Variants in FAM120B observed in about 807,000 individuals in gnomAD.
The protein encoded by FAM120B is family with sequence similarity 120 member B.
In FAM120B, 83 loss-of-function variants were observed where a neutral mutation model predicts 96.3. That is an observed-to-expected ratio of 0.86 (90% CI 0.72 to 1.03). FAM120B has a LOEUF of 1.03. Among genes scored for constraint, FAM120B ranks in the 50% least tolerant of loss-of-function variants. The pLI is 0.00. For synonymous variants in FAM120B, 407 were observed against 402.7 expected, an observed-to-expected ratio of 1.01 and a Z score of -0.13; for missense variants, 1,027 against 1,121.2, an observed-to-expected ratio of 0.92 and a Z score of 1.20.
intron 1 of FAM120B, among the ~76,000 whole-genome samples, chr6:170,312,690 A>G (rs530553508): frequency 6.6e-6 from 1 of 151,746 alleles, no homozygotes; most frequent in Non-Finnish European, 1.5e-5. Context: ...CATAATAGCT[A>G]TAGGCTTTCT....
intron 1 of FAM120B, among the ~76,000 whole-genome samples, chr6:170,315,868 G>A (rs2115013690): frequency 6.6e-6 from 1 of 151,072 alleles, no homozygotes; most frequent in Admixed American, 6.6e-5. Context: ...GATCGCTTGA[G>A]TTCGAGAGTT....
At chr6:170,298,602 C>G (rs1784074937) in intron 1 of FAM120B, among the ~76,000 whole-genome samples, 2 of 151,506 alleles carry the variant, frequency 1.3e-5, no homozygotes, top group Non-Finnish European at 2.9e-5. Flanking sequence ...AACTCATGAT[C>G]ATACAATGCC....
chr6:170,318,285 A>G lies in FAM120B; in HGVS notation c.895A>G (p.Lys299Glu). 1 of 1,614,144 alleles carries G rather than the reference A, an allele frequency of 6.2e-7. No homozygotes were observed. The highest frequency in any genetic ancestry group is 8.5e-7 in the Non-Finnish European group (1 of 1,180,020). Residue 299 changes from lysine (K) to glutamate (E), a missense_variant, in exon 2 of 11, where the codon AAA becomes GAA. Physicochemically the swap from Lys to Glu is moderately conservative, Grantham distance 56. This residue lies in a region of FAM120B where 880 missense variants were observed against 980.9 expected (regional missense o/e 0.90). Coordinates refer to ENST00000476287, the MANE Select transcript of FAM120B (RefSeq NM_032448.3). ...PLGPNKALFY[K>E]GMASYLLPGQ... ...GGGACCAAACAAAGCTCTTTTTTATAAAGGAATGGCATCATATCTTTTACC... is the reference window on the plus strand; with the variant it reads ...GGGACCAAACAAAGCTCTTTTTTATGAAGGAATGGCATCATATCTTTTACC...
intron 1 of FAM120B, among the ~76,000 whole-genome samples, chr6:170,296,643 G>A (rs865865119): frequency 6.6e-6 from 1 of 151,898 alleles, no homozygotes; most frequent in African/African-American, 2.4e-5. Context: ...GTCGGCGGGC[G>A]GGGCCGGGGC....
intron 6 of FAM120B, among the ~76,000 whole-genome samples, chr6:170,366,489 T>C (rs1307709244): frequency 6.6e-6 from 1 of 152,150 alleles, no homozygotes; most frequent in African/African-American, 2.4e-5. Context: ...TGCCAGGGCA[T>C]GAGGGAGAGT....
At chr6:170,311,905 G>C (rs528755560) in intron 1 of FAM120B, among the ~76,000 whole-genome samples, 81 of 152,340 alleles carry the variant, frequency 5.3e-4, no homozygotes, top group Admixed American at 1.6e-3. Context: ...TGACTCAGCA[G>C]CTTCCTAACA....
intron 2 of FAM120B, among the ~76,000 whole-genome samples, chr6:170,322,694 A>T (rs1785371997): frequency 6.6e-6 from 1 of 152,180 alleles, no homozygotes; most frequent in South Asian, 2.1e-4. Flanking sequence ...CAAAGTTTTC[A>T]AAGACAGTAT....
chr6:170,376,150 A>G (rs1331379285), intron 6 of FAM120B, among the ~76,000 whole-genome samples: 1 of 152,112 alleles, frequency 6.6e-6, no homozygotes, highest in Non-Finnish European at 1.5e-5. Context: ...AGATACAAGG[A>G]GGAGGCCCTA....
chr6:170,318,582 A>G lies in FAM120B; in HGVS notation c.1192A>G (p.Arg398Gly), dbSNP rs1441081656. Residue 398 changes from arginine (R) to glycine (G), a missense_variant, in exon 2 of 11, where the codon AGG (arginine) becomes GGG (glycine). By Grantham distance (125) the Arg-to-Gly change is moderately radical. Transcript: ENST00000476287. ...EVPTCTGPES[R>G]REVPMCSDPE... ...TCCCACGTGTACAGGCCCTGAATCC[A>G]GGCGAGAAGTTCCCATGTGTTCAGA... The G allele has an allele frequency of 1.4e-6, 2 of 1,479,280 alleles. No individual in the cohort carries two copies. The highest frequency in any genetic ancestry group is 1.8e-6 in the Non-Finnish European group (2 of 1,099,520). 91.6% of individuals were successfully genotyped at this position (1,479,280 alleles called of 1,614,324 possible).
At position 170,318,171 on chromosome 6, in the gene FAM120B, G is replaced by C. The variant is rs1411083004; in HGVS notation, c.781G>C (p.Gly261Arg). Residue 261 changes from glycine to arginine, a missense_variant, in exon 2 of 11, where the codon GGT becomes CGT. This residue lies in a region of FAM120B where 880 missense variants were observed against 980.9 expected (regional missense o/e 0.90). Coordinates refer to ENST00000476287, the MANE Select transcript of FAM120B (RefSeq NM_032448.3). ...TGTAAAAGAGAACTTTGACAAAAAA[G>C]GTAACATCATATTAGCTGTGTCAGA... ...TSVKENFDKK[G>R]NIILAVSDHI... 4 of 1,614,022 alleles carry C rather than the reference G, an allele frequency of 2.5e-6. No homozygotes were observed. The highest frequency in any genetic ancestry group is 3.4e-6 in the Non-Finnish European group (4 of 1,180,032).
At position 170,406,557 on chromosome 6, in the gene FAM120B, T is replaced by C. The variant is rs933406523; in HGVS notation, c.*1806T>C. 2 of 152,220 alleles carry C rather than the reference T, an allele frequency of 1.3e-5. No individual in the cohort carries two copies. The highest frequency in any genetic ancestry group is 4.8e-5 in the African/African-American group (2 of 41,446). The allele number at this position is 152,220 out of a possible 1,614,324, so 9.4% of individuals were successfully genotyped here. A position where few individuals can be genotyped will look rare whatever the true frequency, so the allele number is the denominator to read the frequency against. On this transcript the variant is annotated 3_prime_UTR_variant, in exon 11 of 11. Coordinates refer to ENST00000476287, the MANE Select transcript of FAM120B (RefSeq NM_032448.3). Reference sequence around the variant, plus strand: ...ATTTGTATTTCTTACATTTGAAATATCCTAACCGCTCCCTTCGGTTTCTTC... The same window carrying C: ...ATTTGTATTTCTTACATTTGAAATACCCTAACCGCTCCCTTCGGTTTCTTC...
chr6:170,290,995 C>A (rs985911699), upstream of FAM120B: 2 of 701,786 alleles, frequency 2.8e-6, no homozygotes, highest in Non-Finnish European at 5.2e-6. The surrounding 1 kb of genome is among the most constrained non-coding windows in gnomAD (Gnocchi z 4.7). Context: ...AGATGCAAAT[C>A]AGCAGCCCCC....
chr6:170,353,312 A>T (rs1305910707), intron 5 of FAM120B, among the ~76,000 whole-genome samples: 1 of 152,244 alleles, frequency 6.6e-6, no homozygotes, highest in Non-Finnish European at 1.5e-5. Context: ...GCTGAATTCT[A>T]CCAGAGGTAC....
At chr6:170,328,549 T>C (rs74909617) in intron 3 of FAM120B, among the ~76,000 whole-genome samples, 2,914 of 152,270 alleles carry the variant, frequency 0.019, 98 homozygotes, top group African/African-American at 0.067. Flanking sequence ...TTACGTGGCT[T>C]TTCTCCTCTA....
At chr6:170,374,906 A>G (rs577096750) in intron 6 of FAM120B, among the ~76,000 whole-genome samples, 1 of 152,302 alleles carries the variant, frequency 6.6e-6, no homozygotes, top group East Asian at 1.9e-4. Context: ...CTTTATTTCC[A>G]TTATACTTTA....
intron 9 of FAM120B, among the ~76,000 whole-genome samples, chr6:170,403,976 C>T (rs1432462079): frequency 2.0e-5 from 3 of 152,204 alleles, no homozygotes; most frequent in Non-Finnish European, 4.4e-5. Flanking sequence ...TCCCCAGTCA[C>T]GGCAAGTGAA....
chr6:170,398,162 T>C (rs968911895), intron 9 of FAM120B, among the ~76,000 whole-genome samples: 1 of 152,242 alleles, frequency 6.6e-6, no homozygotes, highest in Non-Finnish European at 1.5e-5. Flanking sequence ...CTGATGGGAC[T>C]CATCGCCACA....
At chr6:170,352,651 A>C (rs1787654872) in intron 5 of FAM120B, among the ~76,000 whole-genome samples, 1 of 152,192 alleles carries the variant, frequency 6.6e-6, no homozygotes, top group Non-Finnish European at 1.5e-5. Flanking sequence ...ACTACATGGA[A>C]ATTGAACAAC....
intron 6 of FAM120B, among the ~76,000 whole-genome samples, chr6:170,379,983 C>T (rs1357883444): frequency 6.6e-6 from 1 of 152,210 alleles, no homozygotes; most frequent in Non-Finnish European, 1.5e-5. Context: ...AACTGCAACT[C>T]TGTCCTTGGA....
Sources: gnomAD v4.1 joint callset for allele counts (sites outside exome capture counted in the v4.1 genomes callset) on GRCh38, gnomAD v4.1.1 for gene constraint, gnomAD v4.1.1 regional missense constraint, Gnocchi (gnomAD v3.1) non-coding constraint, MANE v1.5 for transcripts, NCBI Gene and HGNC (gene_info 2026-07-23, HGNC 2026-07-21) for gene names.